RYR3: variants seen among roughly 807,000 people sequenced by gnomAD.
The protein encoded by RYR3 is ryanodine receptor 3.
Under a neutral mutation model 584.3 loss-of-function variants are expected in RYR3, and 207 were observed. The ratio of observed to expected loss-of-function variants is 0.35; its 90% confidence interval spans 0.32 to 0.40. RYR3 has a LOEUF of 0.40. Among genes scored for constraint, RYR3 ranks in the 10% least tolerant of loss-of-function variants. RYR3 has a pLI of 1.00. For missense variants in RYR3, 5,616 were observed against 6,089.2 expected (o/e 0.92, Z 2.59); for synonymous variants, 2,416 against 2,248.5 (o/e 1.07, Z -2.11).
At chr15:33,495,702 C>T (rs1023454428) in intron 2 of RYR3, among the ~76,000 whole-genome samples, 2 of 152,104 alleles carry the variant, frequency 1.3e-5, no homozygotes, top group African/African-American at 4.8e-5. Context: ...AGAGAGTAGC[C>T]AACAGCATCA....
intron 82 of RYR3, chr15:33,825,877 C>A: frequency 1.9e-6 from 1 of 528,768 alleles, no homozygotes; most frequent in Non-Finnish European, 3.4e-6. Flanking sequence ...GGATTACAGG[C>A]TCCCACCACC....
At chr15:33,784,514 C>G (rs1351428646) in intron 65 of RYR3, among the ~76,000 whole-genome samples, 1 of 152,234 alleles carries the variant, frequency 6.6e-6, no homozygotes, top group Non-Finnish European at 1.5e-5. Context: ...ATAATTTCCT[C>G]AAATCTTCCA....
chr15:33,546,069 C>A (rs1424811997), intron 8 of RYR3, among the ~76,000 whole-genome samples: 4 of 152,188 alleles, frequency 2.6e-5, no homozygotes, highest in African/African-American at 9.7e-5. Flanking sequence ...CCACTATACT[C>A]CTCTCCTTGG....
chr15:33,351,050 AG>A (rs1193016513), intron 1 of RYR3, among the ~76,000 whole-genome samples: 11 of 152,094 alleles, frequency 7.2e-5, no homozygotes, highest in Non-Finnish European at 1.5e-4. Flanking sequence ...AGAATCAAAT[AG>A]ATGCAATAAA....
intron 19 of RYR3, among the ~76,000 whole-genome samples, chr15:33,614,604 G>T (rs1355157968): frequency 6.6e-6 from 1 of 151,808 alleles, no homozygotes. Flanking sequence ...CTAACTTTGT[G>T]TTCTCAGCCT....
At chr15:33,516,800 G>C (rs1186736467) in intron 3 of RYR3, among the ~76,000 whole-genome samples, 1 of 151,842 alleles carries the variant, frequency 6.6e-6, no homozygotes, top group South Asian at 2.1e-4. Context: ...AGATCTTGCT[G>C]GCTCAGACCA....
At chr15:33,608,405 A>G (rs527514990) in intron 18 of RYR3, among the ~76,000 whole-genome samples, 2 of 152,236 alleles carry the variant, frequency 1.3e-5, no homozygotes, top group African/African-American at 4.8e-5. Context: ...AGGGGTGGAG[A>G]TTACTTTCTC....
At chr15:33,513,865 A>G (rs2053255025) in intron 3 of RYR3, among the ~76,000 whole-genome samples, 1 of 152,234 alleles carries the variant, frequency 6.6e-6, no homozygotes, top group African/African-American at 2.4e-5. Flanking sequence ...TGAAGGATTC[A>G]TAAGTCATCA....
chr15:33,758,807 G>A (rs1030632678), intron 60 of RYR3, among the ~76,000 whole-genome samples: 15 of 152,230 alleles, frequency 9.9e-5, no homozygotes, highest in African/African-American at 3.4e-4. Context: ...GGGACAGACT[G>A]CCTCCTCAAG....
rs1166247854 is a variant in RYR3 at position 33,746,016 on chromosome 15, T to C, written c.7900-52T>C. Reference sequence around the variant, plus strand: ...AATAGAAGCAGGGATTTGGGTCACATAGCGGGGTTCTTTGCGTGCCAAGGA... The same window carrying C: ...AATAGAAGCAGGGATTTGGGTCACACAGCGGGGTTCTTTGCGTGCCAAGGA... On this transcript the variant is annotated intron_variant, in intron 52 of 103. Coordinates refer to ENST00000634891, the MANE Select transcript of RYR3 (RefSeq NM_001036.6). 5 of 1,190,976 alleles carry C rather than the reference T, an allele frequency of 4.2e-6. No individual in the cohort carries two copies. The African/African-American group carries it at 4.5e-5, about 11-fold the overall frequency. 73.8% of individuals were successfully genotyped at this position (1,190,976 alleles called of 1,614,324 possible). A position where few individuals can be genotyped will look rare whatever the true frequency, so the allele number is the denominator to read the frequency against.
At chr15:33,635,449 T>C (rs910289394) in intron 25 of RYR3, among the ~76,000 whole-genome samples, 165 bp from the exon 26 acceptor site, 1 of 152,244 alleles carries the variant, frequency 6.6e-6, no homozygotes, top group Non-Finnish European at 1.5e-5. Flanking sequence ...ATGGTGATGA[T>C]GATGACGATC....
At chr15:33,547,034 A>G (rs924988199) in intron 8 of RYR3, among the ~76,000 whole-genome samples, 1 of 152,226 alleles carries the variant, frequency 6.6e-6, no homozygotes, top group African/African-American at 2.4e-5. Context: ...ATACCAGGTA[A>G]TCTGGGGACT....
chr15:33,824,709 G>T (rs938355645), intron 81 of RYR3, among the ~76,000 whole-genome samples: 1 of 152,218 alleles, frequency 6.6e-6, no homozygotes, highest in African/African-American at 2.4e-5. Flanking sequence ...AGGAAGGCCA[G>T]ATTTTTCTCC....
At chr15:33,595,179 A>G (rs1374823607) in intron 16 of RYR3, among the ~76,000 whole-genome samples, 1 of 152,210 alleles carries the variant, frequency 6.6e-6, no homozygotes, top group Non-Finnish European at 1.5e-5. Context: ...TTGTAAAGTC[A>G]TTTATTTAAG....
At chr15:33,827,093 G>C in intron 84 of RYR3, 106 bp from the exon 85 acceptor site, 1 of 956,014 alleles carries the variant, frequency 1.0e-6, no homozygotes, top group East Asian at 2.6e-5. Flanking sequence ...TGGTATTCTT[G>C]TAAGCCTTTT....
intron 102 of RYR3, among the ~76,000 whole-genome samples, chr15:33,861,527 T>A (rs2153019466): frequency 6.6e-6 from 1 of 152,290 alleles, no homozygotes; most frequent in East Asian, 1.9e-4. Context: ...GGCCCCACTT[T>A]TACTTCCAAC....
At chr15:33,354,556 C>G (rs1973704396) in intron 1 of RYR3, among the ~76,000 whole-genome samples, 1 of 152,212 alleles carries the variant, frequency 6.6e-6, no homozygotes, top group Non-Finnish European at 1.5e-5. Flanking sequence ...CAGCTCTTGA[C>G]TTGTTATTAT....
At chr15:33,443,601 C>G (rs746416118) in intron 1 of RYR3, among the ~76,000 whole-genome samples, 2 of 152,102 alleles carry the variant, frequency 1.3e-5, no homozygotes, top group African/African-American at 2.4e-5. Context: ...ACAGTACAGA[C>G]ATCGCTCCTC....
At chr15:33,846,674 G>T (rs570479568) in intron 93 of RYR3, among the ~76,000 whole-genome samples, 73 of 152,170 alleles carry the variant, frequency 4.8e-4, no homozygotes, top group Admixed American at 2.0e-3. Flanking sequence ...TTATGCCCTG[G>T]GCTACACTAA....
Sources: allele counts gnomAD v4.1 joint callset (sites outside exome capture counted in the v4.1 genomes callset), GRCh38; gene constraint gnomAD v4.1.1; transcripts MANE v1.5; gene names NCBI Gene and HGNC (gene_info 2026-07-23, HGNC 2026-07-21).